The following MYO3B variants were observed in gnomAD, a reference collection of about 807,000 sequenced individuals.
MYO3B encodes the protein myosin-IIIb.
In MYO3B, 156 loss-of-function variants were observed where a neutral mutation model predicts 174.6. The ratio of observed to expected loss-of-function variants is 0.89; its 90% confidence interval spans 0.78 to 1.02. The LOEUF (loss-of-function observed/expected upper bound fraction) is 1.02, where lower values mean the gene tolerates loss of function less well. Ranked by LOEUF, MYO3B falls within the 50% of genes least tolerant of loss-of-function variation. The probability of loss-of-function intolerance (pLI) is 0.00; values close to 1 mark genes in which losing one functional copy is unlikely to be tolerated. For synonymous variants in MYO3B, 563 were observed against 569.1 expected, an observed-to-expected ratio of 0.99 and a Z score of 0.15; for missense variants, 1,632 against 1,639.4, an observed-to-expected ratio of 1.00 and a Z score of 0.08.
intron 8 of MYO3B, among the ~76,000 whole-genome samples, chr2:170,363,834 T>A (rs2094179183): frequency 6.6e-6 from 1 of 152,190 alleles, no homozygotes; most frequent in Non-Finnish European, 1.5e-5. Context: ...ATAAATAAAT[T>A]GTTATTCTGT....
intron 22 of MYO3B, among the ~76,000 whole-genome samples, chr2:170,415,119 A>T (rs1224346981): frequency 1.3e-5 from 2 of 152,222 alleles, no homozygotes; most frequent in African/African-American, 4.8e-5. Flanking sequence ...GATATTGGAT[A>T]AAAGTGGTGA....
At chr2:170,275,774 G>A (rs747297399) in intron 7 of MYO3B, among the ~76,000 whole-genome samples, 4 of 151,878 alleles carry the variant, frequency 2.6e-5, no homozygotes, top group Non-Finnish European at 1.5e-5. Flanking sequence ...ATTTAAACCA[G>A]TTACTTGGCA....
intron 25 of MYO3B, among the ~76,000 whole-genome samples, chr2:170,479,329 G>A (rs542238029): frequency 4.1e-5 from 6 of 146,918 alleles, no homozygotes; most frequent in African/African-American, 9.9e-5. Flanking sequence ...AATATTATAT[G>A]TATGTGTGTA....
chr2:170,523,594 C>T (rs1442590878), intron 30 of MYO3B, among the ~76,000 whole-genome samples: 1 of 152,180 alleles, frequency 6.6e-6, no homozygotes, highest in Non-Finnish European at 1.5e-5. Context: ...GGTCCAAAGA[C>T]AGAAGTTCCA....
intron 8 of MYO3B, among the ~76,000 whole-genome samples, chr2:170,339,356 C>G (rs2093963858): frequency 1.3e-5 from 2 of 152,142 alleles, no homozygotes; most frequent in South Asian, 4.1e-4. Flanking sequence ...ATACTTTGTC[C>G]TCATGTGACT....
intron 32 of MYO3B, among the ~76,000 whole-genome samples, chr2:170,619,564 T>C (rs1695718444): frequency 1.3e-5 from 2 of 151,914 alleles, no homozygotes; most frequent in African/African-American, 2.4e-5. Context: ...GGGGATCCAC[T>C]TCCAAGCTCA....
chr2:170,345,391 T>C (rs1156887592), intron 8 of MYO3B, among the ~76,000 whole-genome samples: 1 of 152,212 alleles, frequency 6.6e-6, no homozygotes, highest in African/African-American at 2.4e-5. Context: ...TCCACTGCCT[T>C]CTTAGTATTT....
rs141871552 is a variant in MYO3B at position 170,532,613 on chromosome 2, G to A, written c.3576-10293G>A. Among the ~76,000 whole-genome samples the A allele has an allele frequency of 0.01, 1,565 of 152,068 alleles. 55 individuals carry two copies. The East Asian group carries it at 0.1, about 10-fold the overall frequency. ...GGATCACCTGGGGTCAGGAGTTCGA[G>A]ACCAGCCTGACCAACATCGTGAAAC... On this transcript the variant is annotated intron_variant, in intron 30 of 34. Coordinates refer to ENST00000408978, the MANE Select transcript of MYO3B (RefSeq NM_138995.5).
chr2:170,578,638 G>A (rs1692942606), intron 32 of MYO3B, among the ~76,000 whole-genome samples: 1 of 152,210 alleles, frequency 6.6e-6, no homozygotes, highest in Admixed American at 6.5e-5. Flanking sequence ...ACGTCCTAGT[G>A]TGTTAATGTA....
Position 170,369,274 on chromosome 2 carries a change from C to T in MYO3B, c.868C>T (p.His290Tyr), listed in dbSNP as rs1392217932. The change falls in exon 9 of 35, where the codon CAC becomes TAC. Residue 290 changes from histidine (H) to tyrosine (Y), a missense_variant. His to Tyr is a moderately conservative substitution (Grantham distance 83). Coordinates refer to ENST00000408978, the MANE Select transcript of MYO3B (RefSeq NM_138995.5). ...RRPSVTHLLDHPFIKGVHGKV... is the reference protein window; with the variant it reads ...RRPSVTHLLDYPFIKGVHGKV... ...ACCTTCCGTCACACATCTCCTTGAC[C>T]ACCCATTTATTAAAGGAGTACATGG... The T allele has an allele frequency of 4.3e-6, 7 of 1,613,214 alleles. No homozygotes were observed. Among genetic ancestry groups the T allele is most frequent in the Middle Eastern group, 1.6e-4 (1 of 6,080 alleles).
rs1251561831 is a variant in MYO3B at position 170,501,935 on chromosome 2, A to C, written c.3370+70A>C. ...GTGACTAACTTCTGTGAATGTAGAA[A>C]AGCTGAAAGGTTAATAATTCAGGAG... On this transcript the variant is annotated intron_variant, in intron 28 of 34. Transcript: ENST00000408978. 4.6e-6 allele frequency: 5 copies of C among 1,093,822 alleles called. No individual in the cohort carries two copies. In the Admixed American group the frequency reaches 7.3e-5, roughly 16 times the overall value. The allele number at this position is 1,093,822 out of a possible 1,614,324, so 67.8% of individuals were successfully genotyped here. A position where few individuals can be genotyped will look rare whatever the true frequency, so the allele number is the denominator to read the frequency against.
At chr2:170,390,663 T>A (rs2094405535) in intron 14 of MYO3B, among the ~76,000 whole-genome samples, 1 of 152,058 alleles carries the variant, frequency 6.6e-6, no homozygotes, top group East Asian at 1.9e-4. Flanking sequence ...AAGAAAAGAT[T>A]TGCCAAAATC....
chr2:170,215,360 T>C (rs941343317), intron 5 of MYO3B, among the ~76,000 whole-genome samples: 1 of 152,162 alleles, frequency 6.6e-6, no homozygotes. Context: ...TGAGAGGAAA[T>C]GCAGGGCAAT....
intron 6 of MYO3B, among the ~76,000 whole-genome samples, chr2:170,221,334 C>G (rs1008665020): frequency 6.6e-6 from 1 of 152,058 alleles, no homozygotes; most frequent in Non-Finnish European, 1.5e-5. Context: ...AGGAATTGAA[C>G]CAAATTGTTT....
At chr2:170,553,145 G>C (rs913740420) in intron 32 of MYO3B, among the ~76,000 whole-genome samples, 4 of 152,186 alleles carry the variant, frequency 2.6e-5, no homozygotes, top group Non-Finnish European at 5.9e-5. Flanking sequence ...GAAATGTGGG[G>C]TTGGAGCCCC....
chr2:170,580,718 A>ATATATATATATATGTG (rs768974458), intron 32 of MYO3B, among the ~76,000 whole-genome samples: 8 of 142,776 alleles, frequency 5.6e-5, no homozygotes, highest in African/African-American at 1.8e-4. Context: ...AACCTTATAT[A>ATATATATATATATGTG]TGTGTGTGTG....
chr2:170,526,188 T>G (rs900813948), intron 30 of MYO3B, among the ~76,000 whole-genome samples: 2 of 152,154 alleles, frequency 1.3e-5, no homozygotes, highest in Non-Finnish European at 2.9e-5. Context: ...CCTTCCTCTC[T>G]CTGAACCTCA....
At chr2:170,623,040 C>G (rs535961517) in intron 32 of MYO3B, among the ~76,000 whole-genome samples, 179 of 152,244 alleles carry the variant, frequency 1.2e-3, no homozygotes, top group African/African-American at 4.1e-3. Context: ...CATACGTGTG[C>G]ATGTGTCTTT....
intron 32 of MYO3B, among the ~76,000 whole-genome samples, chr2:170,559,883 C>T (rs1691590982): frequency 6.6e-6 from 1 of 152,028 alleles, no homozygotes; most frequent in South Asian, 2.1e-4. Flanking sequence ...ATTCCCTGTT[C>T]TGTGATCTGT....
Sources: allele counts gnomAD v4.1 joint callset (sites outside exome capture counted in the v4.1 genomes callset), GRCh38; gene constraint gnomAD v4.1.1; transcripts MANE v1.5; gene names NCBI Gene and HGNC (gene_info 2026-07-23, HGNC 2026-07-21).